ANKRD52: variants seen among roughly 807,000 people sequenced by gnomAD.
ANKRD52 encodes ankyrin repeat domain 52.
Under a neutral mutation model 116.0 loss-of-function variants are expected in ANKRD52, and 7 were observed. The ratio of observed to expected loss-of-function variants is 0.06; its 90% confidence interval spans 0.03 to 0.11. ANKRD52 has a LOEUF of 0.11. ANKRD52 is among the 10% of genes least tolerant of loss of function. ANKRD52 has a pLI of 1.00. For synonymous variants in ANKRD52, 528 were observed against 578.1 expected (o/e 0.91, Z 1.24); for missense variants, 839 against 1,408.6 (o/e 0.60, Z 6.47).
At position 56,255,065 on chromosome 12, in the gene ANKRD52, A is replaced by G. The variant is rs2135892617; in HGVS notation, c.463-113T>C. ...CTGAGGCAGCCTAATGCCTTTTTCC[A>G]TGAGCAAAACAACCTGGAGGACTCG... On this transcript the variant is annotated intron_variant, in intron 5 of 27. Transcript: ENST00000267116. The surrounding 1 kb of genome is among the most constrained non-coding windows in gnomAD (Gnocchi z 4.3). 1.9e-6 allele frequency: 2 copies of G among 1,055,528 alleles called. No individual in the cohort carries two copies. The highest frequency in any genetic ancestry group is 4.9e-5 in the East Asian group (2 of 40,588). 65.4% of individuals were successfully genotyped at this position (1,055,528 alleles called of 1,614,324 possible). A position where few individuals can be genotyped will look rare whatever the true frequency, so the allele number is the denominator to read the frequency against.
Position 56,248,719 on chromosome 12 carries a change from C to A in ANKRD52, c.1704+40G>T. 2 of 1,551,216 alleles carry A rather than the reference C, an allele frequency of 1.3e-6. No individual in the cohort carries two copies. The highest frequency in any genetic ancestry group is 1.8e-6 in the Non-Finnish European group (2 of 1,136,236). On this transcript the variant is annotated intron_variant, in intron 16 of 27. Transcript: ENST00000267116. This position sits in a 1 kb window ranked among gnomAD's most constrained non-coding sequence, Gnocchi z 5.1. ...TGGAATCCACAAACCCTGTGCCCTG[C>A]CCCTGCCTCCCCTCCTGCAGGCCGG...
At chr12:56,251,505 C>T (rs1871691499) in intron 15 of ANKRD52, among the ~76,000 whole-genome samples, 1 of 152,158 alleles carries the variant, frequency 6.6e-6, no homozygotes, top group African/African-American at 2.4e-5. Context: ...CTCAGCCTCC[C>T]TAAGTGCTAG....
rs1465496793 is a variant in ANKRD52, at chr12:56,253,555, T to C, written c.986-153A>G. On this transcript the variant is annotated intron_variant, in intron 9 of 27. Coordinates refer to ENST00000267116, the MANE Select transcript of ANKRD52 (RefSeq NM_173595.4). The surrounding 1 kb of genome is among the most constrained non-coding windows in gnomAD (Gnocchi z 5.5). ...ATCCTGTTTCTAGGCCTTAGGAGACTGGGCAGGGCAGAGCAGGGCCATTTC... is the reference window on the plus strand; with the variant it reads ...ATCCTGTTTCTAGGCCTTAGGAGACCGGGCAGGGCAGAGCAGGGCCATTTC... Among the ~76,000 whole-genome samples, 1 of 152,130 alleles carries C rather than the reference T, an allele frequency of 6.6e-6. No individual in the cohort carries two copies. Among genetic ancestry groups the C allele is most frequent in the East Asian group, 1.9e-4 (1 of 5,186 alleles).
Position 56,245,086 on chromosome 12 carries a change from C to T in ANKRD52, c.2492+17G>A, listed in dbSNP as rs555704241. On this transcript the variant is annotated intron_variant, in intron 22 of 27. Coordinates refer to ENST00000267116, the MANE Select transcript of ANKRD52 (RefSeq NM_173595.4). ...TGGGCCCTCGCGAGAAGGGCTGATG[C>T]AGCAGAAGGGACTTACACTGCACAG... The T allele has an allele frequency of 2.4e-5, 39 of 1,613,724 alleles. 2 individuals carry two copies. In the South Asian group the frequency reaches 4.0e-4, roughly 16 times the overall value.
chr12:56,248,014 G>A lies in ANKRD52; in HGVS notation c.1978+9C>T. 1.3e-6 allele frequency: 2 copies of A among 1,587,806 alleles called. No homozygotes were observed. Among genetic ancestry groups the A allele is most frequent in the Non-Finnish European group, 1.7e-6 (2 of 1,172,846 alleles). ...AAGGGTAGGGCAGCAGCCTAAAGTG[G>A]GCACTAACCAGCAGCGTGCAGGGGT... On this transcript the variant is annotated intron_variant, in intron 18 of 27. Coordinates refer to ENST00000267116, the MANE Select transcript of ANKRD52 (RefSeq NM_173595.4). The surrounding 1 kb of genome is among the most constrained non-coding windows in gnomAD (Gnocchi z 5.1).
At position 56,255,010 on chromosome 12, in the gene ANKRD52, T is replaced by G; in HGVS notation, c.463-58A>C. On this transcript the variant is annotated intron_variant, in intron 5 of 27. Transcript: ENST00000267116. This position sits in a 1 kb window ranked among gnomAD's most constrained non-coding sequence, Gnocchi z 4.3. Reference sequence around the variant, plus strand: ...GCTAGATTCGTGCCCTCAACCTACCTAAGAGCAGAGGCCTCATCTCCTGAA... The same window carrying G: ...GCTAGATTCGTGCCCTCAACCTACCGAAGAGCAGAGGCCTCATCTCCTGAA... The G allele has an allele frequency of 6.4e-7, 1 of 1,559,098 alleles. No homozygotes were observed. Among genetic ancestry groups the G allele is most frequent in the Non-Finnish European group, 8.8e-7 (1 of 1,133,066 alleles).
chr12:56,244,331 C>A lies in ANKRD52; in HGVS notation c.2805+22G>T. On this transcript the variant is annotated intron_variant, in intron 25 of 27. Transcript: ENST00000267116. The surrounding 1 kb of genome is among the most constrained non-coding windows in gnomAD (Gnocchi z 4.9). ...TCAAGCTCTGCCCCTTATGCAGTCC[C>A]CCAATCACTTCAGGTAAGTACCTTG... 1 of 1,612,356 alleles carries A rather than the reference C, an allele frequency of 6.2e-7. No individual in the cohort carries two copies. The highest frequency in any genetic ancestry group is 8.5e-7 in the Non-Finnish European group (1 of 1,178,474).
chr12:56,245,354 C>G (rs1592387747), intron 21 of ANKRD52, 23 bp downstream of exon 21: 1 of 1,606,222 alleles, frequency 6.2e-7, no homozygotes, highest in South Asian at 1.1e-5. Context: ...GCTCCTGTGC[C>G]TGTGGAGGCC....
intron 20 of ANKRD52, among the ~76,000 whole-genome samples, chr12:56,246,973 T>TAATAAA (rs1199519125): frequency 2.4e-5 from 3 of 122,944 alleles, no homozygotes; most frequent in East Asian, 4.6e-4. Context: ...ATAATAATAA[T>TAATAAA]AAACAAAGCA....
rs1394571598 is a variant in ANKRD52, at chr12:56,241,060, G to A, written c.*2082C>T. 1 of 152,254 alleles carries A rather than the reference G, an allele frequency of 6.6e-6. No homozygotes were observed. Among genetic ancestry groups the A allele is most frequent in the Non-Finnish European group, 1.5e-5 (1 of 68,072 alleles). 9.4% of individuals were successfully genotyped at this position (152,254 alleles called of 1,614,324 possible). A position where few individuals can be genotyped will look rare whatever the true frequency, so the allele number is the denominator to read the frequency against. Reference sequence around the variant, plus strand: ...TTGAAGGGAAGGCAAGCTTTGCAGAGCCAGCAGGGTTGGGGATGGGGGCTG... The same window carrying A: ...TTGAAGGGAAGGCAAGCTTTGCAGAACCAGCAGGGTTGGGGATGGGGGCTG... On this transcript the variant is annotated 3_prime_UTR_variant, in exon 28 of 28. Transcript: ENST00000267116.
At position 56,242,922 on chromosome 12, in the gene ANKRD52, G is replaced by A; in HGVS notation, c.*220C>T. 1.7e-6 allele frequency: 1 copy of A among 596,336 alleles called. No homozygotes were observed. Among genetic ancestry groups the A allele is most frequent in the Non-Finnish European group, 2.8e-6 (1 of 356,460 alleles). 36.9% of individuals were successfully genotyped at this position (596,336 alleles called of 1,614,324 possible). On this transcript the variant is annotated 3_prime_UTR_variant, in exon 28 of 28. Coordinates refer to ENST00000267116, the MANE Select transcript of ANKRD52 (RefSeq NM_173595.4). The surrounding 1 kb of genome is among the most constrained non-coding windows in gnomAD (Gnocchi z 4.3). Reference sequence around the variant, plus strand: ...GACACTTGGCAGAAGGGGTCGCCCTGGGGGTACCAAGGGCCTGGGGTGCTC... The same window carrying A: ...GACACTTGGCAGAAGGGGTCGCCCTAGGGGTACCAAGGGCCTGGGGTGCTC...
intron 15 of ANKRD52, 141 bp downstream of exon 15, chr12:56,251,872 CAG>C (rs1871710937): frequency 2.3e-6 from 2 of 852,768 alleles, no homozygotes; most frequent in Admixed American, 2.9e-5. Flanking sequence ...GGACTACACC[CAG>C]AGGGCTCAAG....
At position 56,252,893 on chromosome 12, in the gene ANKRD52, C is replaced by T. The variant is rs754514640; in HGVS notation, c.1188G>A (p.Gln396=). The T allele has an allele frequency of 4.3e-6, 7 of 1,613,724 alleles. No individual in the cohort carries two copies. Among genetic ancestry groups the T allele is most frequent in the African/African-American group, 1.3e-5 (1 of 75,042 alleles). The part of the protein sequence containing the change: ...DCCRKLLSSG[Q]LYSIVSSLSN... ...TGAGTGAAGACACAATGCTGTACAA[C>T]TGACCTGGAGGCACAGAACAGCCAC... The change falls in exon 12 of 28, where the codon CAG becomes CAA. Residue 396 remains glutamine, a synonymous_variant. Coordinates refer to ENST00000267116, the MANE Select transcript of ANKRD52 (RefSeq NM_173595.4). The surrounding 1 kb of genome is among the most constrained non-coding windows in gnomAD (Gnocchi z 4.7).
rs996677864 is a variant in ANKRD52 at position 56,247,561 on chromosome 12, G to A, written c.2116C>T (p.Leu706=). 9 of 1,596,976 alleles carry A rather than the reference G, an allele frequency of 5.6e-6. No individual in the cohort carries two copies. Among genetic ancestry groups the A allele is most frequent in the Admixed American group, 1.7e-5 (1 of 57,654 alleles). Reference sequence around the variant, plus strand: ...GCTGTGGATCCTTTCTCTAGCAGCAGATGTACACAGTCCACATGGCCATTC... The same window carrying A: ...GCTGTGGATCCTTTCTCTAGCAGCAAATGTACACAGTCCACATGGCCATTC... The part of the protein sequence containing the change: ...IMNGHVDCVH[L]LLEKGSTADA... The change falls in exon 20 of 28, where the codon CTG becomes TTG. Residue 706 remains leucine, a synonymous_variant. Transcript: ENST00000267116.
chr12:56,243,030 G>GC lies in ANKRD52; in HGVS notation c.*111dup. On this transcript the variant is annotated 3_prime_UTR_variant, in exon 28 of 28. Coordinates refer to ENST00000267116, the MANE Select transcript of ANKRD52 (RefSeq NM_173595.4). This position sits in a 1 kb window ranked among gnomAD's most constrained non-coding sequence, Gnocchi z 4.6. ...GCTCCCCAGGGCTTCCTTCCCCTCCGCCCCCTCCACCCAGTCGTGTTCTCC... is the reference window on the plus strand; with the variant it reads ...GCTCCCCAGGGCTTCCTTCCCCTCCGCCCCCCTCCACCCAGTCGTGTTCTCC... 2 of 1,380,668 alleles carry GC rather than the reference G, an allele frequency of 1.4e-6. No individual in the cohort carries two copies. Among genetic ancestry groups the GC allele is most frequent in the Non-Finnish European group, 1.9e-6 (2 of 1,047,302 alleles). 85.5% of individuals were successfully genotyped at this position (1,380,668 alleles called of 1,614,324 possible).
chr12:56,242,209 A>C lies in ANKRD52; in HGVS notation c.*933T>G. 2 of 398,620 alleles carry C rather than the reference A, an allele frequency of 5.0e-6. No homozygotes were observed. Among genetic ancestry groups the C allele is most frequent in the East Asian group, 3.6e-5 (1 of 28,078 alleles). 24.7% of individuals were successfully genotyped at this position (398,620 alleles called of 1,614,324 possible). A position where few individuals can be genotyped will look rare whatever the true frequency, so the allele number is the denominator to read the frequency against. On this transcript the variant is annotated 3_prime_UTR_variant, in exon 28 of 28. Transcript: ENST00000267116. The surrounding 1 kb of genome is among the most constrained non-coding windows in gnomAD (Gnocchi z 4.3). ...CACATGCCTGAAACACAGTGGACAT[A>C]CTAGGGCTGTGGTTTTGAAATGGGC...
Position 56,243,489 on chromosome 12 carries a change from C to G in ANKRD52, c.2981-97G>C. 3 of 1,469,206 alleles carry G rather than the reference C, an allele frequency of 2.0e-6. No individual in the cohort carries two copies. The highest frequency in any genetic ancestry group is 2.7e-6 in the Non-Finnish European group (3 of 1,098,980). The allele number at this position is 1,469,206 out of a possible 1,614,324, so 91.0% of individuals were successfully genotyped here. A position where few individuals can be genotyped will look rare whatever the true frequency, so the allele number is the denominator to read the frequency against. ...CTCTTCTCTGTGGAGGGAGCCAAGG[C>G]AGGCAGGTACCCAGCAGCGGCAGAA... is the stretch of plus-strand genomic sequence containing the variant. On this transcript the variant is annotated intron_variant, in intron 27 of 27. Transcript: ENST00000267116. This position sits in a 1 kb window ranked among gnomAD's most constrained non-coding sequence, Gnocchi z 4.6.
At position 56,254,638 on chromosome 12, in the gene ANKRD52, A is replaced by G. The variant is rs201029412; in HGVS notation, c.633T>C (p.His211=). ...CAATCTGGCCACTGGCAGCAGCTGT[A>G]TGGAGCAGCCCATAGCCCTTGCGGT... ...CKDRKGYGLL[H]TAAASGQIEV... Residue 211 remains histidine, a synonymous_variant, in exon 7 of 28, where the codon CAT becomes CAC. Transcript: ENST00000267116. This position sits in a 1 kb window ranked among gnomAD's most constrained non-coding sequence, Gnocchi z 4.6. The G allele has an allele frequency of 1.2e-6, 2 of 1,613,938 alleles. No individual in the cohort carries two copies. The highest frequency in any genetic ancestry group is 4.5e-5 in the East Asian group (2 of 44,884).
intron 19 of ANKRD52, 28 bp downstream of exon 19, chr12:56,247,659 C>A (rs753982271): frequency 1.9e-6 from 3 of 1,601,758 alleles, no homozygotes; most frequent in African/African-American, 2.7e-5. Context: ...GACTGGAAAA[C>A]CTGCACCCCA....
Sources: gnomAD v4.1 joint callset for allele counts (sites outside exome capture counted in the v4.1 genomes callset) on GRCh38, gnomAD v4.1.1 for gene constraint, Gnocchi (gnomAD v3.1) non-coding constraint, MANE v1.5 for transcripts, NCBI Gene and HGNC (gene_info 2026-07-23, HGNC 2026-07-21) for gene names.